Variants in CYFIP2 observed in about 807,000 individuals in gnomAD.
CYFIP2 encodes the protein cytoplasmic FMR1 interacting protein 2, also known as cytoplasmic FMR1-interacting protein 2.
CYFIP2 carries 29 observed loss-of-function variants against 158.7 expected under a neutral mutation model. The observed-to-expected ratio is 0.18, with a 90% CI of 0.14 to 0.25. CYFIP2 has a LOEUF of 0.25. Among genes scored for constraint, CYFIP2 ranks in the 10% least tolerant of loss-of-function variants. The probability of loss-of-function intolerance (pLI) is 1.00; values close to 1 mark genes in which losing one functional copy is unlikely to be tolerated. For synonymous variants in CYFIP2, 585 were observed against 617.6 expected, an observed-to-expected ratio of 0.95 and a Z score of 0.78; for missense variants, 852 against 1,639.5, an observed-to-expected ratio of 0.52 and a Z score of 8.29.
In CYFIP2 at chr5:157,361,118, A is replaced by G. The variant is rs1241958650; in HGVS notation, c.2909-350A>G. On this transcript the variant is annotated intron_variant, in intron 25 of 30. Transcript: ENST00000620254. This position sits in a 1 kb window ranked among gnomAD's most constrained non-coding sequence, Gnocchi z 4.4. ...TATTACAGATAAAGTGCTCAGCACA[A>G]TATCTGACACCTACTAATAAATATT... Among the ~76,000 whole-genome samples, 1 of 152,226 alleles carries G rather than the reference A, an allele frequency of 6.6e-6. No individual in the cohort carries two copies. The highest frequency in any genetic ancestry group is 1.9e-4 in the East Asian group (1 of 5,200).
At chr5:157,271,743 C>T (rs533703075) in intron 1 of CYFIP2, among the ~76,000 whole-genome samples, 1 of 152,198 alleles carries the variant, frequency 6.6e-6, no homozygotes, top group Non-Finnish European at 1.5e-5. Context: ...GGGCCTTTGT[C>T]TTCATACTGA....
intron 3 of CYFIP2, chr5:157,288,571 A>G (rs1757575375): frequency 4.4e-6 from 2 of 455,792 alleles, no homozygotes; most frequent in Admixed American, 4.7e-5. Context: ...CAAGTGGGAA[A>G]TAGATAAGCT....
In CYFIP2 at chr5:157,330,725, A is replaced by G. The variant is rs747737806; in HGVS notation, c.2157-17A>G. Reference sequence around the variant, plus strand: ...ACAATCTGTTTACTGGCCTTGTTTCACTTTTATTCCTTGCAGTGTCCTGTT... The same window carrying G: ...ACAATCTGTTTACTGGCCTTGTTTCGCTTTTATTCCTTGCAGTGTCCTGTT... On this transcript the variant is annotated splice_polypyrimidine_tract_variant and intron_variant, in intron 19 of 30. Coordinates refer to ENST00000620254, the MANE Select transcript of CYFIP2 (RefSeq NM_001037333.3). 1 of 1,607,964 alleles carries G rather than the reference A, an allele frequency of 6.2e-7. No individual in the cohort carries two copies. The highest frequency in any genetic ancestry group is 1.1e-5 in the South Asian group (1 of 90,938).
intron 2 of CYFIP2, 103 bp from the exon 3 acceptor site, chr5:157,286,916 G>T: frequency 1.3e-6 from 1 of 792,170 alleles, no homozygotes; most frequent in Non-Finnish European, 2.1e-6. Flanking sequence ...GGTTTCCACA[G>T]AGAGCTTGCG....
At chr5:157,329,428 A>T (rs760090420) in intron 19 of CYFIP2, among the ~76,000 whole-genome samples, 39 of 152,172 alleles carry the variant, frequency 2.6e-4, no homozygotes, top group Admixed American at 1.3e-4. Context: ...TCCCTGTAAG[A>T]TCAGTGATTT....
intron 3 of CYFIP2, among the ~76,000 whole-genome samples, chr5:157,292,381 G>T (rs985271211): frequency 6.6e-6 from 1 of 151,898 alleles, no homozygotes; most frequent in African/African-American, 2.4e-5. Context: ...CACCATGCCC[G>T]GCTAACTTTG....
At chr5:157,275,121 A>G (rs1348322185) in intron 1 of CYFIP2, among the ~76,000 whole-genome samples, 1 of 152,156 alleles carries the variant, frequency 6.6e-6, no homozygotes, top group African/African-American at 2.4e-5. Flanking sequence ...TGATTTGCAA[A>G]TATTTTCTTC....
intron 3 of CYFIP2, among the ~76,000 whole-genome samples, chr5:157,290,026 T>C (rs964981741): frequency 1.3e-5 from 2 of 152,136 alleles, no homozygotes; most frequent in African/African-American, 4.8e-5. Context: ...TAAGAGGATA[T>C]GGATGTGAGG....
In CYFIP2 at chr5:157,389,520, AG is replaced by A. The variant is rs201199290; in HGVS notation, c.3446+98del. 2,182 of 1,196,416 alleles carry A rather than the reference AG, an allele frequency of 1.8e-3. 33 individuals are homozygous for A. The African/African-American group carries it at 0.028, about 16-fold the overall frequency. 74.1% of individuals were successfully genotyped at this position (1,196,416 alleles called of 1,614,324 possible). Reference sequence around the variant, plus strand: ...CCAGAGTTCAGCCAGAAACGTGGGCAGGGGGTGGGGGTGGTTGGCCAACAAC... The same window carrying A: ...CCAGAGTTCAGCCAGAAACGTGGGCAGGGGTGGGGGTGGTTGGCCAACAAC... On this transcript the variant is annotated intron_variant, in intron 29 of 30. Transcript: ENST00000620254.
rs770177275 is a variant in CYFIP2 at position 157,395,559 on chromosome 5, A to G, written c.*2559A>G. On this transcript the variant is annotated 3_prime_UTR_variant, in exon 31 of 31. Transcript: ENST00000620254. ...CTGTGTTGAGTTGATAAACATTTCC[A>G]TCTTCATTAAAACTGCTTCCAAACT... is the stretch of plus-strand genomic sequence containing the variant. The G allele has an allele frequency of 5.7e-6, 7 of 1,224,566 alleles. No homozygotes were observed. Among genetic ancestry groups the G allele is most frequent in the African/African-American group, 3.1e-5 (2 of 64,450 alleles). 75.9% of individuals were successfully genotyped at this position (1,224,566 alleles called of 1,614,324 possible).
At chr5:157,332,834 C>A in intron 20 of CYFIP2, among the ~76,000 whole-genome samples, 1 of 152,066 alleles carries the variant, frequency 6.6e-6, no homozygotes, top group Admixed American at 6.6e-5. Context: ...TTTGTAGAGA[C>A]AGATTCTTAC....
intron 30 of CYFIP2, among the ~76,000 whole-genome samples, chr5:157,391,334 GTA>G (rs1767263625): frequency 6.6e-6 from 1 of 152,174 alleles, no homozygotes; most frequent in Non-Finnish European, 1.5e-5. Flanking sequence ...GTAATTTTCA[GTA>G]TATGATTCAG....
rs1398399583 is a variant in CYFIP2, at chr5:157,361,697, G to C, written c.3039+99G>C. On this transcript the variant is annotated intron_variant, in intron 26 of 30. Transcript: ENST00000620254. The surrounding 1 kb of genome is among the most constrained non-coding windows in gnomAD (Gnocchi z 4.4). ...CTCCTGCAGCATTGATTTGTGCTTT[G>C]AGTACAAGCTCACATGCTCTTTTCA... 1 of 1,438,014 alleles carries C rather than the reference G, an allele frequency of 7.0e-7. No individual in the cohort carries two copies. The highest frequency in any genetic ancestry group is 9.5e-7 in the Non-Finnish European group (1 of 1,049,182). The allele number at this position is 1,438,014 out of a possible 1,614,324, so 89.1% of individuals were successfully genotyped here. A position where few individuals can be genotyped will look rare whatever the true frequency, so the allele number is the denominator to read the frequency against.
chr5:157,333,541 A>T (rs1453980360), intron 21 of CYFIP2, 95 bp downstream of exon 21: 1 of 1,538,364 alleles, frequency 6.5e-7, no homozygotes, highest in African/African-American at 1.4e-5. Context: ...TGGGCCAGTT[A>T]AAGAGGGGCA....
At chr5:157,383,387 C>T in intron 28 of CYFIP2, 28 bp downstream of exon 28, 3 of 1,591,080 alleles carry the variant, frequency 1.9e-6, no homozygotes, top group African/African-American at 2.7e-5. Context: ...TAAATGGGCT[C>T]TGATCACTGA....
chr5:157,327,436 G>C (rs1196071423), intron 18 of CYFIP2, among the ~76,000 whole-genome samples: 1 of 151,896 alleles, frequency 6.6e-6, no homozygotes, highest in Non-Finnish European at 1.5e-5. Flanking sequence ...ATGGTGGTGG[G>C]TGCCTGTAAT....
chr5:157,296,696 C>T lies in CYFIP2; in HGVS notation c.309C>T (p.Asn103=). The T allele has an allele frequency of 6.2e-7, 1 of 1,613,752 alleles. No homozygotes were observed. The highest frequency in any genetic ancestry group is 1.1e-5 in the South Asian group (1 of 91,074). ...IPQVKCNEQP[N]RVEIYEKTVE... Reference sequence around the variant, plus strand: ...AGGTGAAATGCAACGAGCAGCCCAACCGAGTAGAGATCTATGAGAAGACAG... The same window carrying T: ...AGGTGAAATGCAACGAGCAGCCCAATCGAGTAGAGATCTATGAGAAGACAG... The change falls in exon 5 of 31, where the codon AAC becomes AAT. Residue 103 remains asparagine, a synonymous_variant. Coordinates refer to ENST00000620254, the MANE Select transcript of CYFIP2 (RefSeq NM_001037333.3).
At chr5:157,297,176 A>T (rs376579837) in intron 5 of CYFIP2, among the ~76,000 whole-genome samples, 46 of 152,336 alleles carry the variant, frequency 3.0e-4, no homozygotes, top group East Asian at 7.7e-4. Flanking sequence ...GATGACCAGG[A>T]GGAAAGGTTT....
intron 23 of CYFIP2, among the ~76,000 whole-genome samples, chr5:157,353,960 G>C (rs182824984): frequency 6.6e-6 from 1 of 152,106 alleles, no homozygotes; most frequent in Non-Finnish European, 1.5e-5. Context: ...CTATCTCAAC[G>C]GATAGATGAA....
Sources: gnomAD v4.1 joint callset for allele counts (sites outside exome capture counted in the v4.1 genomes callset) on GRCh38, gnomAD v4.1.1 for gene constraint, Gnocchi (gnomAD v3.1) non-coding constraint, MANE v1.5 for transcripts, NCBI Gene and HGNC (gene_info 2026-07-23, HGNC 2026-07-21) for gene names.